CMTR1: variants seen among roughly 807,000 people sequenced by gnomAD.
CMTR1 encodes the protein cap-specific mRNA (nucleoside-2'-O-)-methyltransferase 1.
A neutral mutation model predicts 107.0 loss-of-function variants in CMTR1; 39 were observed. The ratio of observed to expected loss-of-function variants is 0.36; its 90% CI spans 0.28 to 0.48. CMTR1 has a LOEUF of 0.48. Ranked by LOEUF, CMTR1 falls within the 20% of genes least tolerant of loss-of-function variation. The pLI is 0.99. For missense variants in CMTR1, 672 were observed against 1,064.9 expected, an observed-to-expected ratio of 0.63 and a Z score of 5.14; for synonymous variants, 366 against 379.5, an observed-to-expected ratio of 0.96 and a Z score of 0.41.
intron 22 of CMTR1, among the ~76,000 whole-genome samples, chr6:37,478,902 A>G (rs1437976921): frequency 6.6e-6 from 1 of 152,096 alleles, no homozygotes; most frequent in East Asian, 1.9e-4. Flanking sequence ...TCAGAGTCCT[A>G]GAGATGTTAC....
chr6:37,434,048 A>G (rs891912827), intron 1 of CMTR1, among the ~76,000 whole-genome samples: 3 of 152,180 alleles, frequency 2.0e-5, no homozygotes, highest in African/African-American at 4.8e-5. Flanking sequence ...TAGCGCTTGC[A>G]ATGGCTAGAA....
At position 37,473,457 on chromosome 6, in the gene CMTR1, C is replaced by A; in HGVS notation, c.1690-13C>A. 6.2e-7 allele frequency: 1 copy of A among 1,610,684 alleles called. No homozygotes were observed. The highest frequency in any genetic ancestry group is 8.5e-7 in the Non-Finnish European group (1 of 1,178,082). On this transcript the variant is annotated splice_polypyrimidine_tract_variant and intron_variant, in intron 16 of 23. Coordinates refer to ENST00000373451, the MANE Select transcript of CMTR1 (RefSeq NM_015050.3). ...CCCAACCCGGCAGTGTTTTCTCTGA[C>A]TCGTGGCTGCAGGGCACTGAGATTG...
At position 37,444,742 on chromosome 6, in the gene CMTR1, G is replaced by C. The variant is rs182481638; in HGVS notation, c.285+592G>C. The stretch of plus-strand genomic sequence containing the variant: ...GTCTTGCTTTAGAAATATTATAGTT[G>C]GGCCAGGCGCAGTGGCTCACGTCTG... On this transcript the variant is annotated intron_variant, in intron 3 of 23. Coordinates refer to ENST00000373451, the MANE Select transcript of CMTR1 (RefSeq NM_015050.3). 9.9e-5 allele frequency among the ~76,000 whole-genome samples: 15 copies of C among 152,202 alleles called. No individual in the cohort carries two copies. The East Asian group carries it at 2.9e-3, about 29-fold the overall frequency.
intron 3 of CMTR1, among the ~76,000 whole-genome samples, chr6:37,445,032 TAAAA>T (rs904024674): frequency 4.0e-5 from 6 of 150,494 alleles, no homozygotes; most frequent in Non-Finnish European, 8.9e-5. Context: ...TCTCAAAAAA[TAAAA>T]AAAAAGAAAG....
intron 1 of CMTR1, among the ~76,000 whole-genome samples, chr6:37,434,690 C>G (rs1771482262): frequency 1.3e-5 from 2 of 151,506 alleles, no homozygotes; most frequent in Non-Finnish European, 2.9e-5. Flanking sequence ...GTGGTGTGAT[C>G]TCGGCTCACT....
intron 17 of CMTR1, among the ~76,000 whole-genome samples, chr6:37,473,959 CCT>C (rs760971791): frequency 8.5e-5 from 13 of 152,200 alleles, no homozygotes; most frequent in African/African-American, 2.2e-4. Flanking sequence ...CATCCCATCC[CCT>C]GTCTTGCAAA....
intron 2 of CMTR1, among the ~76,000 whole-genome samples, chr6:37,437,230 T>A (rs1459917284): frequency 6.8e-6 from 1 of 147,916 alleles, no homozygotes; most frequent in East Asian, 1.9e-4. Flanking sequence ...TTTTTTTTTT[T>A]AAAGCTCATC....
At chr6:37,448,325 G>T (rs1771852464) in intron 4 of CMTR1, among the ~76,000 whole-genome samples, 2 of 151,934 alleles carry the variant, frequency 1.3e-5, no homozygotes, top group South Asian at 4.1e-4. Context: ...ACGGATAAAT[G>T]CTCAGTGGCT....
At chr6:37,453,356 C>A in intron 8 of CMTR1, 44 bp downstream of exon 8, 1 of 1,562,024 alleles carries the variant, frequency 6.4e-7, no homozygotes, top group Non-Finnish European at 8.8e-7. Context: ...GCTAAGAGGG[C>A]TTAAGTTTCA....
rs1002765092 is a variant in CMTR1, at chr6:37,444,075, A to C, written c.210A>C (p.Ala70=). The change falls in exon 3 of 24, where the codon GCA becomes GCC. Residue 70 remains alanine, a synonymous_variant. Transcript: ENST00000373451. ...KQHSSDSFDD[A]FKADSLVEGT... ...ACAGCTCTGACTCTTTTGACGATGC[A>C]TTCAAAGCAGACTCTCTTGTGGAAG... is the stretch of plus-strand genomic sequence containing the variant. 6 of 1,614,122 alleles carry C rather than the reference A, an allele frequency of 3.7e-6. No individual in the cohort carries two copies. The highest frequency in any genetic ancestry group is 1.3e-5 in the African/African-American group (1 of 74,944).
chr6:37,471,791 G>A (rs1761633440), intron 14 of CMTR1, 56 bp from the exon 15 acceptor site: 19 of 1,532,096 alleles, frequency 1.2e-5, no homozygotes, highest in Non-Finnish European at 1.6e-5. Context: ...GGGTGCACAG[G>A]GGGCACTCCT....
intron 3 of CMTR1, among the ~76,000 whole-genome samples, chr6:37,445,165 G>C (rs1332112427): frequency 3.3e-5 from 5 of 152,230 alleles, no homozygotes; most frequent in Non-Finnish European, 7.3e-5. Context: ...GGAAGTTAAA[G>C]ATGGGAAGGC....
rs776321958 is a variant in CMTR1 at position 37,473,460 on chromosome 6, G to C, written c.1690-10G>C. On this transcript the variant is annotated splice_polypyrimidine_tract_variant and intron_variant, in intron 16 of 23. Transcript: ENST00000373451. ...AACCCGGCAGTGTTTTCTCTGACTCGTGGCTGCAGGGCACTGAGATTGACA... is the reference window on the plus strand; with the variant it reads ...AACCCGGCAGTGTTTTCTCTGACTCCTGGCTGCAGGGCACTGAGATTGACA... The C allele has an allele frequency of 1.3e-5, 21 of 1,611,392 alleles. No homozygotes were observed. Among genetic ancestry groups the C allele is most frequent in the Non-Finnish European group, 1.8e-5 (21 of 1,178,580 alleles).
chr6:37,449,130 G>T (rs1022153791), intron 4 of CMTR1, among the ~76,000 whole-genome samples: 16 of 151,998 alleles, frequency 1.1e-4, no homozygotes. Context: ...TTTTTTAGTA[G>T]AGACAGAGTC....
intron 4 of CMTR1, among the ~76,000 whole-genome samples, chr6:37,448,250 CAGCCACTTCTTTACAGTAGGT>C: frequency 6.8e-6 from 1 of 147,478 alleles, no homozygotes; most frequent in Non-Finnish European, 1.5e-5. Flanking sequence ...TGTCAGTTGG[CAGCCACTTCTTTACAGTAGGT>C]GAGTCTGGGT....
chr6:37,475,924 T>C, intron 19 of CMTR1: 1 of 579,760 alleles, frequency 1.7e-6, no homozygotes, highest in South Asian at 2.0e-5. Flanking sequence ...GAGGTCAGAA[T>C]CCACAGGGGC....
rs2776909 is a variant in CMTR1 at position 37,468,034 on chromosome 6, C to A, written c.1506-2987C>A. On this transcript the variant is annotated intron_variant, in intron 13 of 23. Coordinates refer to ENST00000373451, the MANE Select transcript of CMTR1 (RefSeq NM_015050.3). ...CCTGTCTGCTCTTTGTTCCTCTCTT[C>A]CTTTCTTCCCTCTGTTTTGTGGGGG... Among the ~76,000 whole-genome samples the A allele has an allele frequency of 9.8e-3, 1,447 of 148,144 alleles. 22 individuals carry two copies. The highest frequency in any genetic ancestry group is 0.035 in the African/African-American group (1,401 of 40,448).
chr6:37,446,488 G>T, intron 4 of CMTR1, 39 bp downstream of exon 4: 1 of 1,586,800 alleles, frequency 6.3e-7, no homozygotes, highest in South Asian at 1.1e-5. Flanking sequence ...AAAGCCACTT[G>T]TGTTTTTGGA....
intron 2 of CMTR1, among the ~76,000 whole-genome samples, chr6:37,441,292 A>G (rs1250404887): frequency 6.6e-6 from 1 of 152,184 alleles, no homozygotes; most frequent in Non-Finnish European, 1.5e-5. Context: ...GTCTTGAGCC[A>G]TTTAGAAGGC....
Sources: allele counts gnomAD v4.1 joint callset (sites outside exome capture counted in the v4.1 genomes callset), GRCh38; gene constraint gnomAD v4.1.1; transcripts MANE v1.5; gene names NCBI Gene and HGNC (gene_info 2026-07-23, HGNC 2026-07-21).